ELMO1: variants seen among roughly 807,000 people sequenced by gnomAD.
The protein encoded by ELMO1 is engulfment and cell motility protein 1.
A neutral mutation model predicts 98.9 loss-of-function variants in ELMO1; 26 were observed. That is an observed-to-expected ratio of 0.26 (90% CI 0.19 to 0.36). The LOEUF is 0.36. Ranked by LOEUF, ELMO1 falls within the 10% of genes least tolerant of loss-of-function variation. The pLI, the probability that ELMO1 is intolerant of heterozygous loss-of-function variation, is 1.00. For synonymous variants in ELMO1, 346 were observed against 346.0 expected (o/e 1.00, Z 0.00); for missense variants, 627 against 935.2 (o/e 0.67, Z 4.30).
chr7:37,363,393 T>C (rs1801775643), intron 1 of ELMO1, among the ~76,000 whole-genome samples: 1 of 152,160 alleles, frequency 6.6e-6, no homozygotes, highest in African/African-American at 2.4e-5. Flanking sequence ...GGCTCCCCAC[T>C]GCTCTCAAGC....
At chr7:37,119,235 G>A (rs1474769580) in intron 14 of ELMO1, among the ~76,000 whole-genome samples, 4 of 152,336 alleles carry the variant, frequency 2.6e-5, no homozygotes, top group East Asian at 3.9e-4. Context: ...TGAACTTGAG[G>A]TGGGCCTTGA....
chr7:37,057,596 T>C lies in ELMO1; in HGVS notation c.1300+39023A>G, dbSNP rs78678411. Reference sequence around the variant, plus strand: ...ATGTCCCCAAGATACAGAAGCTTTATCCACTTCAGTAACACCACCTTAGCC... The same window carrying C: ...ATGTCCCCAAGATACAGAAGCTTTACCCACTTCAGTAACACCACCTTAGCC... On this transcript the variant is annotated intron_variant, in intron 15 of 21. Coordinates refer to ENST00000310758, the MANE Select transcript of ELMO1 (RefSeq NM_014800.11). Among the ~76,000 whole-genome samples the C allele has an allele frequency of 4.8e-4, 73 of 152,340 alleles. No individual in the cohort carries two copies. The East Asian group carries it at 0.012, about 25-fold the overall frequency.
At chr7:37,042,590 A>G (rs1472823309) in intron 15 of ELMO1, among the ~76,000 whole-genome samples, 1 of 152,198 alleles carries the variant, frequency 6.6e-6, no homozygotes, top group Admixed American at 6.5e-5. Flanking sequence ...GAAAAGATGC[A>G]GGCTCTATCA....
chr7:37,434,921 TCA>T (rs1805084155), intron 1 of ELMO1, among the ~76,000 whole-genome samples: 1 of 152,300 alleles, frequency 6.6e-6, no homozygotes, highest in Admixed American at 6.5e-5. Context: ...AGTTTAAACA[TCA>T]CACTTATTTG....
At chr7:37,077,920 A>G (rs1008714198) in intron 15 of ELMO1, among the ~76,000 whole-genome samples, 4 of 152,186 alleles carry the variant, frequency 2.6e-5, no homozygotes, top group Non-Finnish European at 4.4e-5. Context: ...AGAAACCTAC[A>G]TAGGAAGCAT....
rs1795842713 is a variant in ELMO1 at position 37,259,083 on chromosome 7, G to C, written c.413+98C>G. On this transcript the variant is annotated intron_variant, in intron 6 of 21. Transcript: ENST00000310758. The stretch of plus-strand genomic sequence containing the variant: ...TTTCCTGAGTCTAACCAAGGCTCTG[G>C]TCTTTAAAACAGAGTTTGCAAGTGT... 4 of 1,361,412 alleles carry C rather than the reference G, an allele frequency of 2.9e-6. No individual in the cohort carries two copies. In the African/African-American group the frequency reaches 5.8e-5, roughly 20 times the overall value. The allele number at this position is 1,361,412 out of a possible 1,614,324, so 84.3% of individuals were successfully genotyped here.
chr7:37,161,905 A>AACATATATATAT (rs1789228873), intron 13 of ELMO1, among the ~76,000 whole-genome samples: 1 of 42,380 alleles, frequency 2.4e-5, no homozygotes, highest in African/African-American at 7.2e-5. Flanking sequence ...CAGGTAATCA[A>AACATATATATAT]ATATATATAT....
In ELMO1 at chr7:36,925,400, G is replaced by C. The variant is rs1204759057; in HGVS notation, c.1438-30383C>G. Reference sequence around the variant, plus strand: ...CTCAGATCCTCCCTGTGCCGTGTCTGGCCTTGGCCTCTCTGGGCTGGCTGC... The same window carrying C: ...CTCAGATCCTCCCTGTGCCGTGTCTCGCCTTGGCCTCTCTGGGCTGGCTGC... On this transcript the variant is annotated intron_variant, in intron 16 of 21. Transcript: ENST00000310758. Among the ~76,000 whole-genome samples the C allele has an allele frequency of 3.3e-5, 5 of 152,260 alleles. No individual in the cohort carries two copies. The South Asian group carries it at 6.2e-4, about 19-fold the overall frequency.
chr7:37,376,075 A>T (rs1398500052), intron 1 of ELMO1: 2 of 359,986 alleles, frequency 5.6e-6, no homozygotes, highest in Non-Finnish European at 1.1e-5. Flanking sequence ...AAAAAACTTT[A>T]AAAAAATGAA....
chr7:37,139,563 T>C (rs1186050681), intron 13 of ELMO1, among the ~76,000 whole-genome samples: 2 of 152,168 alleles, frequency 1.3e-5, no homozygotes, highest in African/African-American at 2.4e-5. Flanking sequence ...AAAGACATCA[T>C]AGACAACACA....
chr7:36,878,195 C>A, intron 18 of ELMO1, 78 bp from the exon 19 acceptor site: 1 of 1,097,666 alleles, frequency 9.1e-7, no homozygotes, highest in East Asian at 2.4e-5. Context: ...TCTTAATACT[C>A]TTGCCTGGAG....
chr7:36,913,345 G>T (rs745534367), intron 16 of ELMO1, among the ~76,000 whole-genome samples: 3 of 152,134 alleles, frequency 2.0e-5, no homozygotes, highest in African/African-American at 7.2e-5. Flanking sequence ...TTAGATGGGG[G>T]AATAGAATGT....
chr7:37,112,094 GA>G (rs34490695), intron 14 of ELMO1, among the ~76,000 whole-genome samples: 1 of 151,876 alleles, frequency 6.6e-6, no homozygotes, highest in Non-Finnish European at 1.5e-5. Context: ...TTCAGAGGGG[GA>G]AAAAAGAGGA....
chr7:37,090,217 G>A (rs991619111), intron 15 of ELMO1, among the ~76,000 whole-genome samples: 1 of 152,176 alleles, frequency 6.6e-6, no homozygotes, highest in Non-Finnish European at 1.5e-5. Flanking sequence ...TGCAATACAT[G>A]TCCTTGGCAG....
Position 37,380,765 on chromosome 7 carries a change from A to C in ELMO1, c.-73-38002T>G, listed in dbSNP as rs559629813. On this transcript the variant is annotated intron_variant, in intron 1 of 21. Coordinates refer to ENST00000310758, the MANE Select transcript of ELMO1 (RefSeq NM_014800.11). ...TTTATGTGTGTTTCTATTTAAAGAC[A>C]CTTTCTTTGATACATTTTATTGAGT... Among the ~76,000 whole-genome samples, 20 of 152,338 alleles carry C rather than the reference A, an allele frequency of 1.3e-4. No homozygotes were observed. In the South Asian group the frequency reaches 3.5e-3, roughly 27 times the overall value.
At chr7:37,093,237 T>C (rs915886285) in intron 15 of ELMO1, among the ~76,000 whole-genome samples, 2 of 152,190 alleles carry the variant, frequency 1.3e-5, no homozygotes, top group African/African-American at 4.8e-5. Context: ...CAGTAATTAA[T>C]TGAACATTAA....
At chr7:37,403,327 G>C (rs1583694877) in intron 1 of ELMO1, among the ~76,000 whole-genome samples, 1 of 152,092 alleles carries the variant, frequency 6.6e-6, no homozygotes, top group Non-Finnish European at 1.5e-5. Flanking sequence ...AGAGGGTGAG[G>C]TAGGAGGATC....
chr7:37,020,027 G>C (rs2129178355), intron 15 of ELMO1, among the ~76,000 whole-genome samples: 1 of 152,302 alleles, frequency 6.6e-6, no homozygotes, highest in Admixed American at 6.5e-5. Flanking sequence ...TAGTGGGGCA[G>C]GTATTGTCAC....
intron 16 of ELMO1, among the ~76,000 whole-genome samples, chr7:36,918,697 G>A (rs916918191): frequency 2.0e-5 from 3 of 152,164 alleles, no homozygotes; most frequent in Admixed American, 1.3e-4. Flanking sequence ...TTGGATTGTT[G>A]CTTTTGAAAC....
Sources: allele counts gnomAD v4.1 joint callset (sites outside exome capture counted in the v4.1 genomes callset), GRCh38; gene constraint gnomAD v4.1.1; transcripts MANE v1.5; gene names NCBI Gene and HGNC (gene_info 2026-07-23, HGNC 2026-07-21).